DOCK2: variants seen among roughly 807,000 people sequenced by gnomAD.
The protein encoded by DOCK2 is dedicator of cytokinesis protein 2.
A neutral mutation model predicts 248.9 loss-of-function variants in DOCK2; 87 were observed. That is an observed-to-expected ratio of 0.35 (90% CI 0.29 to 0.42). The LOEUF (loss-of-function observed/expected upper bound fraction) is 0.42. Ranked by LOEUF, DOCK2 falls within the 10% of genes least tolerant of loss-of-function variation. The pLI is 1.00. For missense variants in DOCK2, 1,747 were observed against 2,300.2 expected (o/e 0.76, Z 4.92); for synonymous variants, 805 against 821.6 (o/e 0.98, Z 0.35).
intron 27 of DOCK2, among the ~76,000 whole-genome samples, chr5:169,868,299 CA>C (rs1771726464): frequency 6.6e-6 from 1 of 152,186 alleles, no homozygotes; most frequent in Non-Finnish European, 1.5e-5. Flanking sequence ...TCCTACTTTC[CA>C]ATTCTTCATC....
chr5:169,670,920 G>C (rs924548649), intron 4 of DOCK2, among the ~76,000 whole-genome samples, 158 bp from the exon 5 acceptor site: 2 of 152,166 alleles, frequency 1.3e-5, no homozygotes, highest in South Asian at 4.1e-4. Flanking sequence ...CAAGTCCCTT[G>C]TATTTGCATA....
intron 27 of DOCK2, among the ~76,000 whole-genome samples, chr5:169,941,490 G>T (rs902523439): frequency 1.3e-5 from 2 of 152,138 alleles, no homozygotes; most frequent in Non-Finnish European, 2.9e-5. Flanking sequence ...AGGTGCAAAG[G>T]CCCCATGGAA....
In DOCK2 at chr5:170,018,826, G is replaced by A. The variant is rs940918948; in HGVS notation, c.3233-134G>A. On this transcript the variant is annotated intron_variant, in intron 32 of 51. Transcript: ENST00000520908. ...TGTTCAAAACGGTGCCTGGCTCATG[G>A]TAAACAACTATATAAGTGTTAACTA... The A allele has an allele frequency of 3.4e-6, 4 of 1,186,912 alleles. No homozygotes were observed. The African/African-American group carries it at 4.6e-5, about 14-fold the overall frequency. The allele number at this position is 1,186,912 out of a possible 1,614,324, so 73.5% of individuals were successfully genotyped here. A position where few individuals can be genotyped will look rare whatever the true frequency, so the allele number is the denominator to read the frequency against.
intron 27 of DOCK2, among the ~76,000 whole-genome samples, chr5:169,897,888 C>T (rs992249895): frequency 1.3e-5 from 2 of 152,210 alleles, no homozygotes; most frequent in African/African-American, 4.8e-5. Flanking sequence ...GAGCTTTCCT[C>T]CCTTGAACGC....
At chr5:169,929,504 A>C (rs1455180593) in intron 27 of DOCK2, among the ~76,000 whole-genome samples, 1 of 152,038 alleles carries the variant, frequency 6.6e-6, no homozygotes. Context: ...TGGAAGGCTG[A>C]GGGGGGAGGA....
At chr5:169,827,026 G>C (rs992058022) in intron 26 of DOCK2, among the ~76,000 whole-genome samples, 8 of 152,136 alleles carry the variant, frequency 5.3e-5, no homozygotes, top group African/African-American at 1.7e-4. Context: ...TAGTGAGTCG[G>C]TACCACTCCG....
At chr5:169,880,549 G>A (rs1772580551) in intron 27 of DOCK2, among the ~76,000 whole-genome samples, 1 of 152,182 alleles carries the variant, frequency 6.6e-6, no homozygotes, top group South Asian at 2.1e-4. Context: ...TTTCTACTAT[G>A]CCATGGAAAG....
intron 27 of DOCK2, among the ~76,000 whole-genome samples, chr5:169,854,800 A>G (rs940297268): frequency 1.3e-5 from 2 of 152,226 alleles, no homozygotes; most frequent in African/African-American, 4.8e-5. Context: ...GGAAATGACA[A>G]TTGTGTCCCC....
At chr5:169,811,052 A>T (rs1581225188) in intron 26 of DOCK2, among the ~76,000 whole-genome samples, 1 of 151,888 alleles carries the variant, frequency 6.6e-6, no homozygotes, top group Admixed American at 6.6e-5. Context: ...AGAGGATCAG[A>T]TATGGACAGC....
chr5:169,761,420 T>A, intron 24 of DOCK2, 99 bp from the exon 25 acceptor site: 1 of 930,172 alleles, frequency 1.1e-6, no homozygotes, highest in Non-Finnish European at 1.7e-6. Flanking sequence ...GACTTGGGGG[T>A]TTCCCAGAGC....
Position 169,689,294 on chromosome 5 carries a change from G to A in DOCK2, c.804G>A (p.Lys268=). The A allele has an allele frequency of 6.2e-7, 1 of 1,614,092 alleles. No individual in the cohort carries two copies. The highest frequency in any genetic ancestry group is 1.1e-5 in the South Asian group (1 of 91,062). ...LVRWGSRGFP[K]EIEMLNNLKV... Reference sequence around the variant, plus strand: ...GATGGGGCAGCCGGGGCTTCCCTAAGGAGATTGAGATGCTCAACAATCTGA... The same window carrying A: ...GATGGGGCAGCCGGGGCTTCCCTAAAGAGATTGAGATGCTCAACAATCTGA... The change falls in exon 9 of 52, where the codon AAG becomes AAA. Residue 268 remains lysine, a synonymous_variant. Coordinates refer to ENST00000520908, the MANE Select transcript of DOCK2 (RefSeq NM_004946.3).
chr5:169,899,734 C>T (rs1773812578), intron 27 of DOCK2, among the ~76,000 whole-genome samples: 1 of 152,152 alleles, frequency 6.6e-6, no homozygotes, highest in Non-Finnish European at 1.5e-5. Flanking sequence ...CTTTCCATTC[C>T]TTGTTGGCAT....
intron 27 of DOCK2, among the ~76,000 whole-genome samples, chr5:169,877,930 G>A (rs1772421603): frequency 6.6e-6 from 1 of 152,044 alleles, no homozygotes; most frequent in East Asian, 1.9e-4. Context: ...TGAACAGCAT[G>A]CTTGGATGGG....
chr5:170,072,431 C>T (rs1757711134), intron 46 of DOCK2, among the ~76,000 whole-genome samples: 1 of 152,080 alleles, frequency 6.6e-6, no homozygotes, highest in African/African-American at 2.4e-5. Flanking sequence ...ATTTATTTAT[C>T]CGTTCTGTTG....
chr5:169,857,053 T>C (rs1770933038), intron 27 of DOCK2, among the ~76,000 whole-genome samples: 1 of 152,218 alleles, frequency 6.6e-6, no homozygotes, highest in Non-Finnish European at 1.5e-5. Context: ...TTGGTGCGAT[T>C]TTACTGTCTT....
At position 169,702,325 on chromosome 5, in the gene DOCK2, C is replaced by T. The variant is rs1761017971; in HGVS notation, c.1281C>T (p.Tyr427=). The stretch of plus-strand genomic sequence containing the variant: ...CAGGGGATGTCAGGAACGACATCTA[C>T]ATTACTCTCTTACAAGGTGACTTTG... ...IMPGDVRNDI[Y]ITLLQGDFDK... is the part of the protein sequence containing the mutation. The change falls in exon 14 of 52, where the codon TAC becomes TAT. Residue 427 remains tyrosine, a synonymous_variant. Transcript: ENST00000520908. The T allele has an allele frequency of 1.2e-6, 2 of 1,613,940 alleles. No homozygotes were observed. Among genetic ancestry groups the T allele is most frequent in the Admixed American group, 1.7e-5 (1 of 60,028 alleles).
rs184184156 is a variant in DOCK2, at chr5:169,656,024, G to A, written c.127+1538G>A. ...GCAAGGAGTGGACAAGGCTGGAGGAGAGGGGTGGAGACGCTGTCCTAGAGA... is the reference window on the plus strand; with the variant it reads ...GCAAGGAGTGGACAAGGCTGGAGGAAAGGGGTGGAGACGCTGTCCTAGAGA... On this transcript the variant is annotated intron_variant, in intron 2 of 51. Coordinates refer to ENST00000520908, the MANE Select transcript of DOCK2 (RefSeq NM_004946.3). Among the ~76,000 whole-genome samples the A allele has an allele frequency of 1.9e-4, 29 of 152,338 alleles. No homozygotes were observed. In the East Asian group the frequency reaches 5.2e-3, roughly 27 times the overall value.
intron 22 of DOCK2, among the ~76,000 whole-genome samples, chr5:169,723,817 A>G (rs889068862): frequency 6.6e-6 from 1 of 152,156 alleles, no homozygotes; most frequent in Admixed American, 6.5e-5. Context: ...GGCATACTAT[A>G]TAGTAATCAT....
intron 27 of DOCK2, among the ~76,000 whole-genome samples, chr5:169,975,461 T>A (rs1777681748): frequency 6.6e-6 from 1 of 152,194 alleles, no homozygotes. Context: ...TGCCTGTCTC[T>A]CTGACCTCAT....
Sources: gnomAD v4.1 joint callset for allele counts (sites outside exome capture counted in the v4.1 genomes callset) on GRCh38, gnomAD v4.1.1 for gene constraint, MANE v1.5 for transcripts, NCBI Gene and HGNC (gene_info 2026-07-23, HGNC 2026-07-21) for gene names.